NTM: variants seen among roughly 807,000 people sequenced by gnomAD.
NTM encodes the protein neurotrimin.
A neutral mutation model predicts 42.1 loss-of-function variants in NTM; 13 were observed. The observed-to-expected ratio is 0.31, with a 90% confidence interval of 0.20 to 0.49. The LOEUF is 0.49. Ranked by LOEUF, NTM falls within the 20% of genes least tolerant of loss-of-function variation. The pLI is 0.99. For missense variants in NTM, 373 were observed against 452.8 expected (o/e 0.82, Z 1.60); for synonymous variants, 187 against 179.2 (o/e 1.04, Z -0.35).
intron 1 of NTM, among the ~76,000 whole-genome samples, chr11:131,424,349 G>T (rs1161101946): frequency 1.3e-5 from 2 of 152,106 alleles, no homozygotes; most frequent in South Asian, 2.1e-4. Context: ...CAGGGTCTGT[G>T]TCTCTTCCTT....
intron 2 of NTM, among the ~76,000 whole-genome samples, chr11:131,972,786 A>C (rs1364631945): frequency 3.3e-5 from 5 of 152,164 alleles, no homozygotes; most frequent in African/African-American, 9.7e-5. Context: ...TTTAAAGATA[A>C]AAAAGAGTGC....
Position 132,029,229 on chromosome 11 carries a change from G to A in NTM, c.168-117053G>A, listed in dbSNP as rs554750003. ...TTATTCTTTAAGTTTTAGGGTACAT[G>A]TGCACAATGTGCAGGTTAGTTACAT... On this transcript the variant is annotated intron_variant, in intron 2 of 8. Transcript: ENST00000683400. Among the ~76,000 whole-genome samples, 196 of 152,010 alleles carry A rather than the reference G, an allele frequency of 1.3e-3. 1 individual carries two copies. The highest frequency in any genetic ancestry group is 1.9e-3 in the Non-Finnish European group (131 of 67,996).
intron 1 of NTM, among the ~76,000 whole-genome samples, chr11:131,730,696 G>A (rs1165057754): frequency 8.6e-6 from 1 of 115,736 alleles, no homozygotes; most frequent in Non-Finnish European, 2.0e-5. Context: ...TCCAACCTGG[G>A]TGCCACAGTA....
Position 132,071,749 on chromosome 11 carries a change from T to C in NTM, c.168-74533T>C, listed in dbSNP as rs2057706533. Among the ~76,000 whole-genome samples the C allele has an allele frequency of 2.0e-5, 3 of 148,334 alleles. No individual in the cohort carries two copies. The Admixed American group carries it at 2.1e-4, about 10-fold the overall frequency. ...TTTTGTGTGAAAGAGAGAAAGAACA[T>C]TTTTTTTTTCTGGAATTAGAGTTCA... On this transcript the variant is annotated intron_variant, in intron 2 of 8. Transcript: ENST00000683400.
rs983085886 is a variant in NTM, at chr11:132,307,824, G to C, written c.661+1G>C. On this transcript the variant is annotated splice_donor_variant, in intron 5 of 8. Transcript: ENST00000683400. LOFTEE classifies it high-confidence loss of function. Reference sequence around the variant, plus strand: ...CGGAGAGTAAAGGTCACCGTGAACTGTAAGTGTTCTCACCACCACGCGCCC... The same window carrying C: ...CGGAGAGTAAAGGTCACCGTGAACTCTAAGTGTTCTCACCACCACGCGCCC... 1 of 1,613,918 alleles carries C rather than the reference G, an allele frequency of 6.2e-7. No homozygotes were observed. Among genetic ancestry groups the C allele is most frequent in the African/African-American group, 1.3e-5 (1 of 74,918 alleles).
intron 7 of NTM, among the ~76,000 whole-genome samples, chr11:132,321,730 A>C (rs1292588045): frequency 2.0e-5 from 3 of 151,124 alleles, no homozygotes; most frequent in Non-Finnish European, 4.4e-5. Flanking sequence ...TAATTGTCAG[A>C]TTCACCAAAG....
chr11:131,818,991 A>C (rs1565590520), intron 1 of NTM, among the ~76,000 whole-genome samples: 1 of 152,208 alleles, frequency 6.6e-6, no homozygotes, highest in Non-Finnish European at 1.5e-5. Flanking sequence ...ATACCTAGCT[A>C]TCATCCCCTC....
chr11:132,061,229 G>T (rs768692976), intron 2 of NTM, among the ~76,000 whole-genome samples: 1 of 152,146 alleles, frequency 6.6e-6, no homozygotes, highest in Non-Finnish European at 1.5e-5. Context: ...CAGCTGTTTT[G>T]TGTCATACAT....
chr11:131,504,542 T>C (rs927396591), intron 1 of NTM, among the ~76,000 whole-genome samples: 1 of 152,036 alleles, frequency 6.6e-6, no homozygotes, highest in African/African-American at 2.4e-5. Context: ...CAAATAGAAT[T>C]TGGAGTCCAT....
intron 1 of NTM, among the ~76,000 whole-genome samples, chr11:131,851,542 T>C (rs1565629534): frequency 1.3e-5 from 2 of 150,726 alleles, no homozygotes; most frequent in African/African-American, 2.5e-5. Context: ...CGTGTGTGTG[T>C]GTGTGTGTGT....
intron 1 of NTM, among the ~76,000 whole-genome samples, chr11:131,788,525 G>T (rs1177854046): frequency 6.6e-6 from 1 of 151,832 alleles, no homozygotes; most frequent in Non-Finnish European, 1.5e-5. Flanking sequence ...TCCATTCTAC[G>T]TTATTAACAG....
At chr11:132,227,166 G>T (rs1236921466) in intron 4 of NTM, among the ~76,000 whole-genome samples, 2 of 152,186 alleles carry the variant, frequency 1.3e-5, no homozygotes, top group African/African-American at 2.4e-5. Context: ...TCAGGAAAAG[G>T]ATGATCCAGC....
chr11:132,282,976 C>CTTTTTTTTTTTTTTTTTTTTTT lies in NTM; in HGVS notation c.527-24709_527-24688dup, dbSNP rs142817071. On this transcript the variant is annotated intron_variant, in intron 4 of 8. Transcript: ENST00000683400. Reference sequence around the variant, plus strand: ...AATGAAACGGGAAATTCCTTTATTCCTTTTTTTTTTTTTTTTTTTTTTTTT... The same window carrying CTTTTTTTTTTTTTTTTTTTTTT: ...AATGAAACGGGAAATTCCTTTATTCCTTTTTTTTTTTTTTTTTTTTTTTTTTTTTTTTTTTTTTTTTTTTTTT... Among the ~76,000 whole-genome samples the CTTTTTTTTTTTTTTTTTTTTTT allele has an allele frequency of 1.9e-3, 208 of 108,932 alleles. 14 individuals carry two copies. Among genetic ancestry groups the CTTTTTTTTTTTTTTTTTTTTTT allele is most frequent in the Admixed American group, 2.7e-3 (23 of 8,674 alleles). The allele number at this position is 108,932 out of a possible 152,430, so 71.5% of individuals were successfully genotyped here.
intron 1 of NTM, among the ~76,000 whole-genome samples, chr11:131,378,164 G>A (rs1942211264): frequency 6.6e-6 from 1 of 152,134 alleles, no homozygotes; most frequent in Non-Finnish European, 1.5e-5. Context: ...ATATTTTTAA[G>A]AGCTCTCCAA....
At chr11:131,431,770 A>G (rs1454437785) in intron 1 of NTM, among the ~76,000 whole-genome samples, 1 of 152,146 alleles carries the variant, frequency 6.6e-6, no homozygotes, top group Non-Finnish European at 1.5e-5. Flanking sequence ...CAGAGCCTGG[A>G]GCCAAGCGTG....
chr11:132,177,625 T>G (rs1196726380), intron 3 of NTM, among the ~76,000 whole-genome samples: 1 of 152,214 alleles, frequency 6.6e-6, no homozygotes, highest in Admixed American at 6.5e-5. Flanking sequence ...TTGGCAATGC[T>G]AGATTTCAAA....
intron 2 of NTM, among the ~76,000 whole-genome samples, chr11:131,913,380 A>C (rs1000875112): frequency 6.6e-6 from 1 of 152,036 alleles, no homozygotes; most frequent in Admixed American, 6.6e-5. Context: ...AGAGACTTGA[A>C]GATAAATAAA....
intron 1 of NTM, among the ~76,000 whole-genome samples, chr11:131,578,006 G>C (rs1027159670): frequency 6.6e-6 from 1 of 152,144 alleles, no homozygotes; most frequent in Admixed American, 6.5e-5. Flanking sequence ...TAGCTAACAG[G>C]TACTGAACAA....
At chr11:132,302,987 T>C (rs749076790) in intron 4 of NTM, among the ~76,000 whole-genome samples, 1 of 152,230 alleles carries the variant, frequency 6.6e-6, no homozygotes, top group Non-Finnish European at 1.5e-5. Context: ...GAATTCTATA[T>C]TTTAAGCAAC....
Sources: gnomAD v4.1 joint callset for allele counts (sites outside exome capture counted in the v4.1 genomes callset) on GRCh38, gnomAD v4.1.1 for gene constraint, MANE v1.5 for transcripts, NCBI Gene and HGNC (gene_info 2026-07-23, HGNC 2026-07-21) for gene names.